LPIN1: variants seen among roughly 807,000 people sequenced by gnomAD.
The protein encoded by LPIN1 is lipin 1, also known as phosphatidate phosphatase LPIN1.
Under a neutral mutation model 107.5 loss-of-function variants are expected in LPIN1, and 71 were observed. The ratio of observed to expected loss-of-function variants is 0.66; its 90% CI spans 0.55 to 0.80. The LOEUF (loss-of-function observed/expected upper bound fraction) is 0.80, where lower values mean the gene tolerates loss of function less well. LPIN1 is among the 30% of genes least tolerant of loss of function. The probability of loss-of-function intolerance (pLI) is 0.00; values close to 1 mark genes in which losing one functional copy is unlikely to be tolerated. For missense variants in LPIN1, 1,043 were observed against 1,160.6 expected, an observed-to-expected ratio of 0.90 and a Z score of 1.47; for synonymous variants, 445 against 452.6, an observed-to-expected ratio of 0.98 and a Z score of 0.21.
At chr2:11,792,044 A>C (rs755746772) in intron 13 of LPIN1, 38 bp downstream of exon 13, 2 of 1,581,812 alleles carry the variant, frequency 1.3e-6, no homozygotes, top group Non-Finnish European at 1.7e-6. Context: ...ACACTTAGCA[A>C]GTGTTGGTTT....
chr2:11,703,623 AC>A (rs1299569253), intron 1 of LPIN1, among the ~76,000 whole-genome samples: 1 of 152,150 alleles, frequency 6.6e-6, no homozygotes, highest in Admixed American at 6.5e-5. Context: ...GGAAGTACAA[AC>A]TGTATAACAG....
chr2:11,728,658 G>A (rs62113266), intron 1 of LPIN1, among the ~76,000 whole-genome samples: 9,231 of 152,240 alleles, frequency 0.061, 376 homozygotes, highest in Middle Eastern at 0.14. Flanking sequence ...TCACAGGTAT[G>A]AGCCATTGCA....
upstream of LPIN1, among the ~76,000 whole-genome samples, chr2:11,741,758 C>T (rs547288311): frequency 1.3e-4 from 20 of 150,490 alleles, no homozygotes; most frequent in African/African-American, 4.0e-4. Flanking sequence ...TTGCAGTAAG[C>T]CGAGATCGTG....
intron 1 of LPIN1, among the ~76,000 whole-genome samples, chr2:11,725,836 C>T (rs1369541767): frequency 6.6e-6 from 1 of 152,102 alleles, no homozygotes; most frequent in Non-Finnish European, 1.5e-5. Flanking sequence ...GGATTTCTGG[C>T]CCTTCTTTTA....
At chr2:11,728,684 T>C (rs1664900390) in intron 1 of LPIN1, among the ~76,000 whole-genome samples, 1 of 152,192 alleles carries the variant, frequency 6.6e-6, no homozygotes, top group Non-Finnish European at 1.5e-5. Flanking sequence ...CCTAGCTGTT[T>C]TATATTTGTG....
intron 16 of LPIN1, 78 bp from the exon 17 acceptor site, chr2:11,804,992 T>C: frequency 1.1e-6 from 1 of 871,990 alleles, no homozygotes; most frequent in Non-Finnish European, 1.8e-6. Context: ...GTTTTTTTTT[T>C]TTTTTTATGA....
Position 11,824,866 on chromosome 2 carries a change from G to A in LPIN1, c.*75G>A. 1.3e-6 allele frequency: 2 copies of A among 1,543,788 alleles called. No homozygotes were observed. The highest frequency in any genetic ancestry group is 1.1e-5 in the South Asian group (1 of 89,298). On this transcript the variant is annotated 3_prime_UTR_variant, in exon 21 of 21. Coordinates refer to ENST00000674199, the MANE Select transcript of LPIN1 (RefSeq NM_001349206.2). ...ATTAAAGGATAGGTCTCCCCGGAGTGCACAGCTCCACCTGGGAGCCTGGCG... is the reference window on the plus strand; with the variant it reads ...ATTAAAGGATAGGTCTCCCCGGAGTACACAGCTCCACCTGGGAGCCTGGCG...
intron 8 of LPIN1, 47 bp from the exon 9 acceptor site, chr2:11,783,782 C>T (rs774256154): frequency 1.4e-6 from 2 of 1,476,100 alleles, no homozygotes; most frequent in South Asian, 2.3e-5. Flanking sequence ...GCCATGAGCT[C>T]ATTTCTAGAA....
intron 1 of LPIN1, among the ~76,000 whole-genome samples, chr2:11,702,308 C>T (rs576502437): frequency 6.6e-6 from 1 of 152,292 alleles, no homozygotes; most frequent in South Asian, 2.1e-4. Context: ...CCGGAGTACA[C>T]AGGCTGTCCC....
At position 11,774,307 on chromosome 2, in the gene LPIN1, GC is replaced by G. The variant is rs1397238678; in HGVS notation, c.722+567del. On this transcript the variant is annotated intron_variant, in intron 5 of 20. Coordinates refer to ENST00000674199, the MANE Select transcript of LPIN1 (RefSeq NM_001349206.2). This position sits in a 1 kb window ranked among gnomAD's most constrained non-coding sequence, Gnocchi z 4.4. ...TCAGTGAAACCTCTGGGAATAGTGA[GC>G]CCCCTGGCTAGTTTTCAAAGGACTT... is the stretch of plus-strand genomic sequence containing the variant. 6.6e-6 allele frequency among the ~76,000 whole-genome samples: 1 copy of G among 152,208 alleles called. No individual in the cohort carries two copies. The highest frequency in any genetic ancestry group is 1.9e-4 in the East Asian group (1 of 5,196).
intron 1 of LPIN1, among the ~76,000 whole-genome samples, chr2:11,686,831 G>C (rs1033588103): frequency 7.9e-5 from 12 of 152,116 alleles, no homozygotes; most frequent in African/African-American, 2.9e-4. Flanking sequence ...TTGTGGGTAA[G>C]TAGAGCCCAG....
chr2:11,796,247 T>C (rs1170934429), intron 14 of LPIN1, among the ~76,000 whole-genome samples: 2 of 152,218 alleles, frequency 1.3e-5, no homozygotes, highest in Admixed American at 1.3e-4. Context: ...TTTTTGTATC[T>C]TGGAGGCCAC....
intron 13 of LPIN1, among the ~76,000 whole-genome samples, chr2:11,794,789 G>C (rs1676381444): frequency 6.6e-6 from 1 of 152,182 alleles, no homozygotes; most frequent in African/African-American, 2.4e-5. Context: ...TAATCCCCAT[G>C]GCAGCGTTAG....
chr2:11,730,894 C>T (rs1042639136), intron 1 of LPIN1, among the ~76,000 whole-genome samples: 1 of 152,138 alleles, frequency 6.6e-6, no homozygotes, highest in African/African-American at 2.4e-5. Flanking sequence ...ATGTCACTCT[C>T]CTGTTCTGCT....
At chr2:11,809,231 GT>G (rs1450892188) in intron 17 of LPIN1, among the ~76,000 whole-genome samples, 1 of 152,048 alleles carries the variant, frequency 6.6e-6, no homozygotes, top group Non-Finnish European at 1.5e-5. Context: ...GGCAATAATT[GT>G]TTGAATTTTT....
chr2:11,767,927 C>CGGCAGAAGTTTGTGCA (rs1671193710), intron 3 of LPIN1, 69 bp downstream of exon 3: 2 of 1,011,652 alleles, frequency 2.0e-6, no homozygotes, highest in Admixed American at 3.4e-5. Flanking sequence ...TCTGGAAACA[C>CGGCAGAAGTTTGTGCA]GGCAGAAGTT....
chr2:11,765,672 A>G lies in LPIN1; in HGVS notation c.131A>G (p.Gln44Arg). The G allele has an allele frequency of 6.2e-7, 1 of 1,614,010 alleles. No homozygotes were observed. Among genetic ancestry groups the G allele is most frequent in the South Asian group, 1.1e-5 (1 of 91,076 alleles). ...IVIRQPNGNL[Q>R]CSPFHVRFGK... ...ATCCGCCAGCCCAATGGAAACCTCCAATGCTCCCCTTTCCACGTCCGCTTT... is the reference window on the plus strand; with the variant it reads ...ATCCGCCAGCCCAATGGAAACCTCCGATGCTCCCCTTTCCACGTCCGCTTT... Residue 44 changes from glutamine to arginine, a missense_variant, in exon 2 of 21, where the codon CAA (glutamine) becomes CGA (arginine). Coordinates refer to ENST00000674199, the MANE Select transcript of LPIN1 (RefSeq NM_001349206.2). The surrounding 1 kb of genome is among the most constrained non-coding windows in gnomAD (Gnocchi z 4.4).
rs571916857 is a variant in LPIN1, at chr2:11,825,672, T to C, written c.*881T>C. ...GCGAGGTGGTGCTGACAGTGTGGAC[T>C]TGAGCACACTTATGCCAAATGATAA... On this transcript the variant is annotated 3_prime_UTR_variant, in exon 21 of 21. Coordinates refer to ENST00000674199, the MANE Select transcript of LPIN1 (RefSeq NM_001349206.2). The surrounding 1 kb of genome is among the most constrained non-coding windows in gnomAD (Gnocchi z 4.1). 6.5e-6 allele frequency: 1 copy of C among 152,736 alleles called. No homozygotes were observed. Among genetic ancestry groups the C allele is most frequent in the East Asian group, 1.9e-4 (1 of 5,186 alleles). The allele number at this position is 152,736 out of a possible 1,614,324, so 9.5% of individuals were successfully genotyped here. A position where few individuals can be genotyped will look rare whatever the true frequency, so the allele number is the denominator to read the frequency against.
At chr2:11,776,230 T>A (rs1050798884) in intron 6 of LPIN1, 37 bp downstream of exon 6, 1 of 1,346,586 alleles carries the variant, frequency 7.4e-7, no homozygotes, top group African/African-American at 1.4e-5. Context: ...ATATATTCAA[T>A]AATGAAAAAT....
Sources: gnomAD v4.1 joint callset for allele counts (sites outside exome capture counted in the v4.1 genomes callset) on GRCh38, gnomAD v4.1.1 for gene constraint, Gnocchi (gnomAD v3.1) non-coding constraint, MANE v1.5 for transcripts, NCBI Gene and HGNC (gene_info 2026-07-23, HGNC 2026-07-21) for gene names.